ANKRD6: variants seen among roughly 807,000 people sequenced by gnomAD.
ANKRD6 encodes the protein ankyrin repeat domain 6.
Under a neutral mutation model 82.3 loss-of-function variants are expected in ANKRD6, and 56 were observed. That is an observed-to-expected ratio of 0.68 (90% CI 0.55 to 0.85). The LOEUF is 0.85. ANKRD6 is among the 40% of genes least tolerant of loss of function. The pLI is 0.00. For missense variants in ANKRD6, 852 were observed against 907.6 expected (o/e 0.94, Z 0.79); for synonymous variants, 347 against 352.1 (o/e 0.99, Z 0.16).
At chr6:89,628,891 C>T in intron 14 of ANKRD6, 1 of 531,394 alleles carries the variant, frequency 1.9e-6, no homozygotes, top group Non-Finnish European at 3.3e-6. Context: ...CCCATGAGGC[C>T]CCACCTCCAA....
At position 89,617,865 on chromosome 6, in the gene ANKRD6, C is replaced by T. The variant is rs1177565804; in HGVS notation, c.715-89C>T. 4 of 1,291,776 alleles carry T rather than the reference C, an allele frequency of 3.1e-6. No homozygotes were observed. In the African/African-American group the frequency reaches 4.4e-5, roughly 14 times the overall value. The allele number at this position is 1,291,776 out of a possible 1,614,324, so 80.0% of individuals were successfully genotyped here. ...CTGGGTGTGACTGGGTGTGGAACTGCCTGCTCCTGGCCAGAGCTGTGCCAG... is the reference window on the plus strand; with the variant it reads ...CTGGGTGTGACTGGGTGTGGAACTGTCTGCTCCTGGCCAGAGCTGTGCCAG... On this transcript the variant is annotated intron_variant, in intron 8 of 15. Transcript: ENST00000339746.
At chr6:89,525,119 C>T (rs1379029653) in intron 1 of ANKRD6, among the ~76,000 whole-genome samples, 2 of 151,874 alleles carry the variant, frequency 1.3e-5, no homozygotes, top group East Asian at 3.9e-4. Flanking sequence ...TATGATGAAA[C>T]CCTGTCTCTA....
At chr6:89,589,988 G>T (rs1583529297) in intron 2 of ANKRD6, among the ~76,000 whole-genome samples, 1 of 152,312 alleles carries the variant, frequency 6.6e-6, no homozygotes, top group East Asian at 1.9e-4. Context: ...TGAGGAAGCA[G>T]CACCTTTAAA....
chr6:89,532,976 C>T (rs1348612375), intron 1 of ANKRD6, among the ~76,000 whole-genome samples: 6 of 151,870 alleles, frequency 4.0e-5, no homozygotes, highest in African/African-American at 1.4e-4. Flanking sequence ...CAGGTTCAAG[C>T]GATTCTCCTG....
intron 1 of ANKRD6, among the ~76,000 whole-genome samples, chr6:89,499,766 A>T (rs1203438080): frequency 2.0e-5 from 3 of 152,230 alleles, no homozygotes; most frequent in Non-Finnish European, 2.9e-5. Context: ...ACTGACTTGG[A>T]CAACCTAAAC....
At chr6:89,581,365 G>T (rs1792484887) in intron 2 of ANKRD6, among the ~76,000 whole-genome samples, 1 of 152,206 alleles carries the variant, frequency 6.6e-6, no homozygotes, top group Admixed American at 6.5e-5. Flanking sequence ...AATTTTGACA[G>T]CTAGAGCTAA....
At position 89,487,512 on chromosome 6, in the gene ANKRD6, A is replaced by G. The variant is rs553221895; in HGVS notation, c.-144+54137A>G. ...TTCACTCCTACCAACTTTTCTCAGC[A>G]TTAAAAAATTCAGCTTGTCTTCCTT... On this transcript the variant is annotated intron_variant, in intron 1 of 15. Transcript: ENST00000339746. 2.6e-5 allele frequency among the ~76,000 whole-genome samples: 4 copies of G among 152,328 alleles called. No individual in the cohort carries two copies. The East Asian group carries it at 7.7e-4, about 29-fold the overall frequency.
At chr6:89,567,221 GGTTT>G (rs1417479644) in intron 2 of ANKRD6, 125 bp downstream of exon 2, 10 of 1,325,570 alleles carry the variant, frequency 7.5e-6, no homozygotes, top group African/African-American at 1.5e-5. Flanking sequence ...CAATGATGGA[GGTTT>G]GGGGAGAAGG....
chr6:89,467,598 C>T (rs1774995463), intron 1 of ANKRD6, among the ~76,000 whole-genome samples: 1 of 152,066 alleles, frequency 6.6e-6, no homozygotes, highest in Non-Finnish European at 1.5e-5. Context: ...GATGGAAGGC[C>T]CACAGATTTT....
intron 1 of ANKRD6, among the ~76,000 whole-genome samples, chr6:89,538,169 C>T (rs1219931619): frequency 6.6e-6 from 1 of 152,126 alleles, no homozygotes; most frequent in African/African-American, 2.4e-5. Flanking sequence ...ATCCAAAGGT[C>T]ATAGTCATTG....
intron 1 of ANKRD6, among the ~76,000 whole-genome samples, chr6:89,543,032 T>C (rs575888266): frequency 1.3e-5 from 2 of 152,316 alleles, no homozygotes; most frequent in East Asian, 3.9e-4. Context: ...AAATGTCTGT[T>C]TGTTCTTGGG....
At chr6:89,514,243 T>A (rs899750267) in intron 1 of ANKRD6, among the ~76,000 whole-genome samples, 1 of 152,108 alleles carries the variant, frequency 6.6e-6, no homozygotes, top group Admixed American at 6.6e-5. Flanking sequence ...CCGGGCATTG[T>A]GGCATGTACC....
chr6:89,494,970 C>T (rs1324793028), intron 1 of ANKRD6, among the ~76,000 whole-genome samples: 3 of 152,148 alleles, frequency 2.0e-5, no homozygotes, highest in Non-Finnish European at 4.4e-5. Flanking sequence ...CACGGTGGCT[C>T]ACGCCTGTAA....
intron 1 of ANKRD6, among the ~76,000 whole-genome samples, chr6:89,552,121 A>G (rs1785936661): frequency 6.6e-6 from 1 of 152,234 alleles, no homozygotes; most frequent in African/African-American, 2.4e-5. Context: ...GACAATATCC[A>G]ATTTGGAAGA....
intron 4 of ANKRD6, among the ~76,000 whole-genome samples, chr6:89,603,849 A>T (rs1027392284): frequency 5.9e-5 from 9 of 152,122 alleles, no homozygotes; most frequent in African/African-American, 2.2e-4. Flanking sequence ...AAGAAAATAT[A>T]TATTAGCAAG....
intron 1 of ANKRD6, among the ~76,000 whole-genome samples, chr6:89,452,558 G>A (rs1208861946): frequency 1.3e-5 from 2 of 152,194 alleles, no homozygotes; most frequent in African/African-American, 4.8e-5. Context: ...GATCAGGGAG[G>A]CAAACTGTTT....
At chr6:89,628,039 A>G (rs113792301) in intron 14 of ANKRD6, among the ~76,000 whole-genome samples, 112 of 152,264 alleles carry the variant, frequency 7.4e-4, no homozygotes, top group African/African-American at 2.3e-3. Flanking sequence ...TCTCACCAAG[A>G]TAAGAGACAT....
chr6:89,546,994 C>T (rs1323100824), intron 1 of ANKRD6, among the ~76,000 whole-genome samples: 1 of 152,064 alleles, frequency 6.6e-6, no homozygotes, highest in African/African-American at 2.4e-5. Flanking sequence ...CAAGGTCTCA[C>T]TCTGTTGTCC....
At chr6:89,504,356 T>A (rs924256722) in intron 1 of ANKRD6, among the ~76,000 whole-genome samples, 1 of 152,068 alleles carries the variant, frequency 6.6e-6, no homozygotes, top group Non-Finnish European at 1.5e-5. Flanking sequence ...TAGCTGCTGC[T>A]CTTATTATTG....
Sources: allele counts gnomAD v4.1 joint callset (sites outside exome capture counted in the v4.1 genomes callset), GRCh38; gene constraint gnomAD v4.1.1; transcripts MANE v1.5; gene names NCBI Gene and HGNC (gene_info 2026-07-23, HGNC 2026-07-21).